The following ATP6V0E1 variants were observed in gnomAD, a reference collection of about 807,000 sequenced individuals.
The protein encoded by ATP6V0E1 is V-type proton ATPase subunit e 1.
ATP6V0E1 carries 4 observed loss-of-function variants against 11.6 expected under a neutral mutation model. The observed-to-expected ratio is 0.35, with a 90% CI of 0.17 to 0.79. The LOEUF is 0.79. ATP6V0E1 is among the 30% of genes least tolerant of loss of function. The probability of loss-of-function intolerance (pLI) is 0.54; values close to 1 mark genes in which losing one functional copy is unlikely to be tolerated. For synonymous variants in ATP6V0E1, 36 were observed against 34.8 expected (o/e 1.04, Z -0.13); for missense variants, 105 against 100.0 (o/e 1.05, Z -0.21).
chr5:173,018,484 G>C lies in ATP6V0E1; in HGVS notation c.153-1754G>C, dbSNP rs958945364. Among the ~76,000 whole-genome samples the C allele has an allele frequency of 2.0e-5, 3 of 152,086 alleles. No individual in the cohort carries two copies. In the South Asian group the frequency reaches 6.2e-4, roughly 32 times the overall value. ...ATGAGCAGGCCCAGGCATCCAAGTC[G>C]ACCTGCATGGTTCAAACCCATGTTC... On this transcript the variant is annotated intron_variant, in intron 2 of 3. Coordinates refer to ENST00000519374, the MANE Select transcript of ATP6V0E1 (RefSeq NM_003945.4).
At chr5:173,032,360 T>C (rs1039659845) in intron 3 of ATP6V0E1, among the ~76,000 whole-genome samples, 1 of 151,654 alleles carries the variant, frequency 6.6e-6, no homozygotes, top group African/African-American at 2.4e-5. Flanking sequence ...TGATCTCAGC[T>C]CACTGCAACC....
chr5:173,033,572 A>G (rs1756697612), intron 3 of ATP6V0E1, among the ~76,000 whole-genome samples: 1 of 152,008 alleles, frequency 6.6e-6, no homozygotes, highest in Non-Finnish European at 1.5e-5. Context: ...TTAGGGCATG[A>G]TGGCTCATGC....
At chr5:173,031,765 G>A (rs1391192800) in intron 3 of ATP6V0E1, among the ~76,000 whole-genome samples, 1 of 150,600 alleles carries the variant, frequency 6.6e-6, no homozygotes, top group Non-Finnish European at 1.5e-5. Flanking sequence ...CTTGCAGTGA[G>A]TGGAGATCGC....
intron 2 of ATP6V0E1, among the ~76,000 whole-genome samples, chr5:173,009,438 C>T (rs1466127430): frequency 1.3e-5 from 2 of 149,528 alleles, no homozygotes; most frequent in Non-Finnish European, 3.0e-5. Context: ...GTCACATTCA[C>T]TCAGGATAGC....
intron 3 of ATP6V0E1, among the ~76,000 whole-genome samples, chr5:173,025,369 TC>T (rs1449029832): frequency 6.6e-6 from 1 of 151,576 alleles, no homozygotes; most frequent in African/African-American, 2.4e-5. Context: ...GGTCTCGAAC[TC>T]CTGACCTCAA....
At chr5:173,031,623 C>T (rs1449777628) in intron 3 of ATP6V0E1, among the ~76,000 whole-genome samples, 1 of 150,304 alleles carries the variant, frequency 6.7e-6, no homozygotes, top group Non-Finnish European at 1.5e-5. Context: ...TTGAGACCAC[C>T]CTGGCTAACA....
rs569007989 is a variant in ATP6V0E1, at chr5:173,005,182, G to A, written c.152+10360G>A. ...TACGAAAAAAAAAAAAACCTGTTGGGATTTTAATTGGGATTGTGTTGAATA... is the reference window on the plus strand; with the variant it reads ...TACGAAAAAAAAAAAAACCTGTTGGAATTTTAATTGGGATTGTGTTGAATA... On this transcript the variant is annotated intron_variant, in intron 2 of 3. Transcript: ENST00000519374. Among the ~76,000 whole-genome samples, 440 of 151,992 alleles carry A rather than the reference G, an allele frequency of 2.9e-3. 5 individuals are homozygous for A. Among genetic ancestry groups the A allele is most frequent in the African/African-American group, 9.7e-3 (404 of 41,488 alleles).
At chr5:173,024,855 T>C (rs1230921950) in intron 3 of ATP6V0E1, among the ~76,000 whole-genome samples, 1 of 149,686 alleles carries the variant, frequency 6.7e-6, no homozygotes, top group Non-Finnish European at 1.5e-5. Context: ...TCTTTTTTTT[T>C]TTTTTTGAGA....
At chr5:173,006,814 G>T in intron 2 of ATP6V0E1, among the ~76,000 whole-genome samples, 1 of 151,978 alleles carries the variant, frequency 6.6e-6, no homozygotes, top group Middle Eastern at 3.2e-3. Flanking sequence ...GTTTTTTTTG[G>T]CCTGAGAATT....
intron 1 of ATP6V0E1, among the ~76,000 whole-genome samples, chr5:172,991,454 AG>A (rs1251273228): frequency 6.6e-6 from 1 of 152,186 alleles, no homozygotes; most frequent in East Asian, 1.9e-4. Flanking sequence ...GAGAGAAGAC[AG>A]GGAAGAGATT....
chr5:172,985,632 CAAAG>C (rs1195596681), intron 1 of ATP6V0E1, among the ~76,000 whole-genome samples: 1 of 152,126 alleles, frequency 6.6e-6, no homozygotes, highest in Non-Finnish European at 1.5e-5. Flanking sequence ...CCTTTGTACT[CAAAG>C]AAGCATTTAT....
At chr5:172,995,458 C>G (rs547805158) in intron 2 of ATP6V0E1, among the ~76,000 whole-genome samples, 3 of 152,078 alleles carry the variant, frequency 2.0e-5, no homozygotes, top group Non-Finnish European at 4.4e-5. Flanking sequence ...ACTAATGGAG[C>G]TAATAAAGCT....
intron 2 of ATP6V0E1, among the ~76,000 whole-genome samples, chr5:173,000,658 C>T (rs2113589248): frequency 6.6e-6 from 1 of 151,084 alleles, no homozygotes; most frequent in South Asian, 2.1e-4. Context: ...TGTGTGAAAA[C>T]TTAGAGTAAA....
chr5:172,992,743 G>A (rs1756002251), intron 1 of ATP6V0E1, among the ~76,000 whole-genome samples: 1 of 152,126 alleles, frequency 6.6e-6, no homozygotes, highest in Non-Finnish European at 1.5e-5. Context: ...CATCTTGTTT[G>A]TTGTCTATCT....
chr5:173,033,465 A>ATTTCT (rs1349289167), intron 3 of ATP6V0E1, among the ~76,000 whole-genome samples: 9 of 152,214 alleles, frequency 5.9e-5, no homozygotes, highest in Non-Finnish European at 1.3e-4. Context: ...GAAAGATATT[A>ATTTCT]TGAGGCTTTC....
intron 2 of ATP6V0E1, among the ~76,000 whole-genome samples, chr5:173,009,346 A>G (rs1210918786): frequency 1.3e-5 from 2 of 151,660 alleles, no homozygotes; most frequent in Non-Finnish European, 2.9e-5. Flanking sequence ...GAGGATTGCT[A>G]AAGGCCAGGA....
At chr5:172,994,492 A>C (rs550180688) in intron 1 of ATP6V0E1, among the ~76,000 whole-genome samples, 97 of 152,338 alleles carry the variant, frequency 6.4e-4, no homozygotes, top group African/African-American at 2.3e-3. Context: ...ACTAATTGTC[A>C]CTGCGGCCTT....
chr5:172,988,931 C>G (rs554913410), intron 1 of ATP6V0E1, among the ~76,000 whole-genome samples: 49 of 152,334 alleles, frequency 3.2e-4, no homozygotes, highest in African/African-American at 1.1e-3. Context: ...TCAAGTGATC[C>G]TCTCGCCTCG....
At chr5:173,024,197 C>CAAAAAA (rs56837002) in intron 3 of ATP6V0E1, among the ~76,000 whole-genome samples, 2 of 73,462 alleles carry the variant, frequency 2.7e-5, no homozygotes, top group African/African-American at 8.2e-5. Context: ...GACTCCGTCT[C>CAAAAAA]AAAAAAAAAA....
Sources: gnomAD v4.1 joint callset for allele counts (sites outside exome capture counted in the v4.1 genomes callset) on GRCh38, gnomAD v4.1.1 for gene constraint, MANE v1.5 for transcripts, NCBI Gene and HGNC (gene_info 2026-07-23, HGNC 2026-07-21) for gene names.